The following TRIM5 variants were observed in gnomAD, a reference collection of about 807,000 sequenced individuals.
TRIM5 encodes the protein tripartite motif containing 5.
TRIM5 carries 31 observed loss-of-function variants against 35.6 expected under a neutral mutation model. That is an observed-to-expected ratio of 0.87 (90% CI 0.65 to 1.18). The LOEUF (loss-of-function observed/expected upper bound fraction) is 1.18, where lower values mean the gene tolerates loss of function less well. Ranked by LOEUF, TRIM5 falls within the 50% of genes most tolerant of loss-of-function variation. The pLI, the probability that TRIM5 is intolerant of heterozygous loss-of-function variation, is 0.00. For synonymous variants in TRIM5, 243 were observed against 215.6 expected (o/e 1.13, Z -1.11); for missense variants, 609 against 591.6 (o/e 1.03, Z -0.31).
At chr11:5,653,011 C>T in the TRIM5 span, among the ~76,000 whole-genome samples, 1 of 152,016 alleles carries the variant, frequency 6.6e-6, no homozygotes, top group African/African-American at 2.4e-5. Flanking sequence ...CACCAGCATA[C>T]CCGGCTAATT....
chr11:5,638,324 G>T, the TRIM5 span, among the ~76,000 whole-genome samples: 1 of 152,266 alleles, frequency 6.6e-6, no homozygotes, highest in Non-Finnish European at 1.5e-5. Flanking sequence ...AGAGAGGCCA[G>T]AATTGTGACA....
chr11:5,650,813 A>G, the TRIM5 span, among the ~76,000 whole-genome samples: 5 of 152,318 alleles, frequency 3.3e-5, no homozygotes, highest in East Asian at 9.7e-4. Context: ...CCAAGGCTCA[A>G]TAGAAAGCCA....
Position 5,667,678 on chromosome 11 carries a change from C to T in TRIM5, c.767+11G>A, listed in dbSNP as rs933777248. The T allele has an allele frequency of 6.2e-7, 1 of 1,613,572 alleles. No individual in the cohort carries two copies. Among genetic ancestry groups the T allele is most frequent in the Admixed American group, 1.7e-5 (1 of 59,938 alleles). On this transcript the variant is annotated intron_variant, in intron 5 of 7. Transcript: ENST00000380034. ...TGCACAAAAGGACCATCTCTGTCCT[C>T]CCACACATACCTTTTTATGACGCCA...
chr11:5,640,770 T>C, the TRIM5 span, among the ~76,000 whole-genome samples: 4 of 152,204 alleles, frequency 2.6e-5, no homozygotes, highest in African/African-American at 9.6e-5. Context: ...TGAAGCCATC[T>C]GGGTGAGGCC....
the TRIM5 span, among the ~76,000 whole-genome samples, chr11:5,620,494 T>C: frequency 6.6e-6 from 1 of 152,102 alleles, no homozygotes; most frequent in African/African-American, 2.4e-5. Context: ...AGCCACTGCG[T>C]CCAGCCAAGC....
chr11:5,642,930 C>G, the TRIM5 span: 4 of 1,559,222 alleles, frequency 2.6e-6, no homozygotes, highest in Non-Finnish European at 3.5e-6. Flanking sequence ...ATCTTAGCCT[C>G]ATGCATTCTC....
At chr11:5,636,282 T>C in the TRIM5 span, among the ~76,000 whole-genome samples, 1 of 152,192 alleles carries the variant, frequency 6.6e-6, no homozygotes, top group Non-Finnish European at 1.5e-5. Flanking sequence ...AAGTTCTTTT[T>C]TGTATGATTC....
chr11:5,679,870 A>G lies in TRIM5; in HGVS notation c.308T>C (p.Leu103Pro). 1 of 1,613,922 alleles carries G rather than the reference A, an allele frequency of 6.2e-7. No homozygotes were observed. Among genetic ancestry groups the G allele is most frequent in the Non-Finnish European group, 8.5e-7 (1 of 1,179,992 alleles). The change falls in exon 2 of 8, where the codon CTA (leucine) becomes CCA (proline). Residue 103 changes from leucine to proline, a missense_variant. Coordinates refer to ENST00000380034, the MANE Select transcript of TRIM5 (RefSeq NM_033034.3). ...CTTCCCGTCCTCCTGACAGAAGAGT[A>G]GAAGTTTCTCTCCATGGCGTGCACA... Reference protein sequence around the residue: ...DHCARHGEKLLLFCQEDGKVI... With the variant: ...DHCARHGEKLPLFCQEDGKVI...
chr11:5,666,361 C>A, intron 5 of TRIM5: 2 of 393,546 alleles, frequency 5.1e-6, no homozygotes, highest in Non-Finnish European at 9.4e-6. Context: ...TGTCTACATT[C>A]TTAAACTCAT....
chr11:5,679,401 G>A (rs28381979), intron 2 of TRIM5, among the ~76,000 whole-genome samples: 15,035 of 152,034 alleles, frequency 0.099, 796 homozygotes, highest in African/African-American at 0.13. Flanking sequence ...GATTCTTTTT[G>A]TCCTAGAAGA....
chr11:5,607,628 A>G, the TRIM5 span, among the ~76,000 whole-genome samples: 1 of 152,204 alleles, frequency 6.6e-6, no homozygotes, highest in Non-Finnish European at 1.5e-5. Context: ...ACCAAATGAA[A>G]TTGAGGATGT....
the TRIM5 span, among the ~76,000 whole-genome samples, chr11:5,622,069 G>C: frequency 2.0e-5 from 3 of 152,138 alleles, no homozygotes; most frequent in Non-Finnish European, 4.4e-5. Context: ...AGACTAGACA[G>C]TTGTTAAGAA....
At position 5,680,132 on chromosome 11, in the gene TRIM5, G is replaced by A. The variant is rs1304969961; in HGVS notation, c.46C>T (p.Pro16Ser). 6.2e-7 allele frequency: 1 copy of A among 1,613,338 alleles called. No homozygotes were observed. Among genetic ancestry groups the A allele is most frequent in the African/African-American group, 1.3e-5 (1 of 74,848 alleles). ...TGTGTCAGGAGTTCCAGGCAGATGG[G>A]GCAGGTCACCTCCTCCTTTACATTA... is the stretch of plus-strand genomic sequence containing the variant. The part of the protein sequence containing the change: ...LVNVKEEVTC[P>S]ICLELLTQPL... Residue 16 changes from proline (P) to serine (S), a missense_variant, in exon 2 of 8, where the codon CCC becomes TCC. By Grantham distance (74) the Pro-to-Ser change is moderately conservative. Coordinates refer to ENST00000380034, the MANE Select transcript of TRIM5 (RefSeq NM_033034.3).
chr11:5,668,366 A>G (rs1851306460), intron 4 of TRIM5, among the ~76,000 whole-genome samples: 2 of 152,254 alleles, frequency 1.3e-5, no homozygotes, highest in Admixed American at 1.3e-4. Flanking sequence ...AGAATCAAAG[A>G]TGAATGAATA....
rs1432406814 is a variant in TRIM5 at position 5,678,417 on chromosome 11, G to A, written c.531C>T (p.Asp177=). Residue 177 remains aspartate, a synonymous_variant, in exon 4 of 8, where the codon GAC becomes GAT. Coordinates refer to ENST00000380034, the MANE Select transcript of TRIM5 (RefSeq NM_033034.3). The part of the protein sequence containing the change: ...KASWKTQIQY[D]KTNVLADFEQ... ...CAAAATCTGCCAAGACGTTGGTTTT[G>A]TCATACTGTATTTGAGTCTTCAGAG... The A allele has an allele frequency of 1.9e-6, 3 of 1,579,078 alleles. No homozygotes were observed. The South Asian group carries it at 3.5e-5, about 18-fold the overall frequency.
At chr11:5,657,125 G>C in the TRIM5 span, among the ~76,000 whole-genome samples, 1 of 152,062 alleles carries the variant, frequency 6.6e-6, no homozygotes, top group Non-Finnish European at 1.5e-5. Context: ...GGAATACTAT[G>C]CAGCTACAAA....
chr11:5,642,785 A>G, the TRIM5 span: 7 of 1,613,676 alleles, frequency 4.3e-6, no homozygotes. Flanking sequence ...CTTTGTTTCT[A>G]ATCAGCATCA....
the TRIM5 span, among the ~76,000 whole-genome samples, chr11:5,646,960 T>C: frequency 1.3e-5 from 2 of 152,182 alleles, no homozygotes; most frequent in African/African-American, 2.4e-5. Flanking sequence ...AAAAAAACTT[T>C]GGTGCCTTAA....
intron 5 of TRIM5, 164 bp from the exon 6 acceptor site, chr11:5,666,245 G>A (rs1285039226): frequency 4.4e-6 from 3 of 687,934 alleles, no homozygotes; most frequent in Non-Finnish European, 7.8e-6. Flanking sequence ...CAAACAAAAT[G>A]TTCTCATGTT....
Sources: allele counts gnomAD v4.1 joint callset (sites outside exome capture counted in the v4.1 genomes callset), GRCh38; gene constraint gnomAD v4.1.1; transcripts MANE v1.5; gene names NCBI Gene and HGNC (gene_info 2026-07-23, HGNC 2026-07-21).